Variants in DGKB observed in about 807,000 individuals in gnomAD.
The protein encoded by DGKB is diacylglycerol kinase beta.
In DGKB, 67 loss-of-function variants were observed where a neutral mutation model predicts 114.3. The observed-to-expected ratio is 0.59, with a 90% CI of 0.48 to 0.72. The LOEUF is 0.72. Ranked by LOEUF, DGKB falls within the 30% of genes least tolerant of loss-of-function variation. The probability of loss-of-function intolerance (pLI) is 0.00; values close to 1 mark genes in which losing one functional copy is unlikely to be tolerated. For missense variants in DGKB, 907 were observed against 975.2 expected, an observed-to-expected ratio of 0.93 and a Z score of 0.93; for synonymous variants, 398 against 323.1, an observed-to-expected ratio of 1.23 and a Z score of -2.49.
intron 2 of DGKB, among the ~76,000 whole-genome samples, chr7:14,783,482 C>T (rs1468740067): frequency 6.6e-6 from 1 of 152,170 alleles, no homozygotes; most frequent in African/African-American, 2.4e-5. Context: ...TGCCCTTATA[C>T]CTGAATTTCC....
At chr7:14,304,556 C>T (rs546019316) in intron 23 of DGKB, among the ~76,000 whole-genome samples, 1 of 152,100 alleles carries the variant, frequency 6.6e-6, no homozygotes, top group Admixed American at 6.6e-5. Context: ...CATTACAGCC[C>T]AAACAGATTG....
intron 1 of DGKB, among the ~76,000 whole-genome samples, chr7:14,900,575 C>T (rs1366602472): frequency 6.6e-6 from 1 of 152,074 alleles, no homozygotes; most frequent in Non-Finnish European, 1.5e-5. Context: ...ACTCTCCGTT[C>T]TTTCAATAGT....
intron 23 of DGKB, among the ~76,000 whole-genome samples, chr7:14,328,201 A>T (rs1380088312): frequency 6.6e-6 from 1 of 152,102 alleles, no homozygotes; most frequent in East Asian, 1.9e-4. Context: ...TTGGGTTAAG[A>T]AGCATTAGTA....
At chr7:14,560,195 A>G (rs1466937716) in intron 20 of DGKB, among the ~76,000 whole-genome samples, 1 of 151,790 alleles carries the variant, frequency 6.6e-6, no homozygotes, top group African/African-American at 2.4e-5. Context: ...TTATTGTTGT[A>G]AGAACACAAC....
intron 25 of DGKB, among the ~76,000 whole-genome samples, chr7:14,171,033 A>C (rs978097277): frequency 7.9e-5 from 12 of 152,178 alleles, no homozygotes; most frequent in African/African-American, 2.9e-4. Context: ...CCAGGATTTG[A>C]AAGGATCATA....
intron 1 of DGKB, among the ~76,000 whole-genome samples, chr7:14,883,584 T>C (rs1251491721): frequency 6.6e-6 from 1 of 151,992 alleles, no homozygotes; most frequent in African/African-American, 2.4e-5. Flanking sequence ...TTGAGATAGC[T>C]GCAAGCTGGA....
At position 14,454,516 on chromosome 7, in the gene DGKB, G is replaced by A. The variant is rs547075949; in HGVS notation, c.1835+23645C>T. The stretch of plus-strand genomic sequence containing the variant: ...TTACAAAGGTAGCTTCCACGTTCAG[G>A]AATTATAATATGGCTTTTAAATCTA... On this transcript the variant is annotated intron_variant, in intron 21 of 25. Transcript: ENST00000402815. 3.9e-5 allele frequency among the ~76,000 whole-genome samples: 6 copies of A among 152,136 alleles called. No individual in the cohort carries two copies. The South Asian group carries it at 1.2e-3, about 31-fold the overall frequency.
intron 21 of DGKB, among the ~76,000 whole-genome samples, chr7:14,381,647 G>C (rs1819491775): frequency 6.6e-6 from 1 of 152,124 alleles, no homozygotes. Flanking sequence ...GCCCAGGCTG[G>C]AGTGCAGTGG....
At chr7:14,360,537 A>C (rs1815525336) in intron 21 of DGKB, among the ~76,000 whole-genome samples, 1 of 151,958 alleles carries the variant, frequency 6.6e-6, no homozygotes, top group African/African-American at 2.4e-5. Context: ...AGTTTCAGGG[A>C]AGTTAATTTA....
intron 1 of DGKB, among the ~76,000 whole-genome samples, chr7:14,957,725 G>A (rs1294789347): frequency 6.6e-6 from 1 of 151,688 alleles, no homozygotes. Context: ...TTACTTTTCT[G>A]TATTACCATT....
At chr7:14,361,135 C>T (rs1232961943) in intron 21 of DGKB, among the ~76,000 whole-genome samples, 1 of 151,922 alleles carries the variant, frequency 6.6e-6, no homozygotes, top group African/African-American at 2.4e-5. Flanking sequence ...GTGTTTTTTA[C>T]CTTTTGTTTT....
At chr7:14,606,457 AT>A (rs1421909106) in intron 17 of DGKB, among the ~76,000 whole-genome samples, 1 of 152,120 alleles carries the variant, frequency 6.6e-6, no homozygotes, top group Non-Finnish European at 1.5e-5. Context: ...CTAATTAATT[AT>A]ACTTTATGAA....
intron 2 of DGKB, among the ~76,000 whole-genome samples, chr7:14,817,667 T>C (rs1844347733): frequency 6.6e-6 from 1 of 152,186 alleles, no homozygotes; most frequent in Admixed American, 6.5e-5. Context: ...TTAATTAACA[T>C]ACATTTTTCC....
chr7:14,933,031 T>C (rs998855609), intron 1 of DGKB, among the ~76,000 whole-genome samples: 20 of 152,164 alleles, frequency 1.3e-4, no homozygotes, highest in African/African-American at 4.8e-4. Context: ...GTCCTTTCAA[T>C]CTCACACTAT....
intron 17 of DGKB, among the ~76,000 whole-genome samples, chr7:14,587,024 A>G (rs771248867): frequency 1.7e-4 from 26 of 152,122 alleles, no homozygotes; most frequent in Non-Finnish European, 3.1e-4. Context: ...TTCAAGTCTT[A>G]TTTAAAAAAT....
chr7:14,207,267 C>T lies in DGKB; in HGVS notation c.2123-29116G>A, dbSNP rs553932678. Among the ~76,000 whole-genome samples the T allele has an allele frequency of 3.4e-4, 52 of 152,134 alleles. 2 individuals are homozygous for T. In the South Asian group the frequency reaches 0.011, roughly 31 times the overall value. On this transcript the variant is annotated intron_variant, in intron 23 of 25. Coordinates refer to ENST00000402815, the MANE Select transcript of DGKB (RefSeq NM_001350709.2). ...TGTAATCTATCAGAGTGTGAGTCAT[C>T]GTGTGTGGGATCTTTCAAAGTGTAA...
intron 4 of DGKB, among the ~76,000 whole-genome samples, chr7:14,737,283 A>ATTTTTT (rs11348925): frequency 4.8e-5 from 4 of 82,504 alleles, no homozygotes; most frequent in Non-Finnish European, 9.4e-5. Context: ...TTGAAGGCCA[A>ATTTTTT]TTTTTTTTTT....
intron 8 of DGKB, among the ~76,000 whole-genome samples, chr7:14,696,520 A>G (rs1410262448): frequency 2.0e-5 from 3 of 147,720 alleles, no homozygotes; most frequent in Non-Finnish European, 3.0e-5. Flanking sequence ...AAAAAAAAAA[A>G]AAAAAAAAAA....
chr7:14,577,444 T>C (rs570995022), intron 19 of DGKB, among the ~76,000 whole-genome samples: 48 of 152,174 alleles, frequency 3.2e-4, no homozygotes, highest in South Asian at 2.9e-3. Flanking sequence ...GGTGAAACCC[T>C]GTCTCTACTA....
Sources: gnomAD v4.1 joint callset for allele counts (sites outside exome capture counted in the v4.1 genomes callset) on GRCh38, gnomAD v4.1.1 for gene constraint, MANE v1.5 for transcripts, NCBI Gene and HGNC (gene_info 2026-07-23, HGNC 2026-07-21) for gene names.